Variants in ZFHX4 observed in about 807,000 individuals in gnomAD.
ZFHX4 encodes the protein zinc finger homeobox 4.
ZFHX4 carries 56 observed loss-of-function variants against 267.6 expected under a neutral mutation model. The ratio of observed to expected loss-of-function variants is 0.21; its 90% confidence interval spans 0.17 to 0.26. The LOEUF is 0.26. Among genes scored for constraint, ZFHX4 ranks in the 10% least tolerant of loss-of-function variants. The pLI is 1.00. For missense variants in ZFHX4, 4,332 were observed against 4,420.0 expected (o/e 0.98, Z 0.56); for synonymous variants, 1,778 against 1,665.6 (o/e 1.07, Z -1.64).
chr8:76,773,379 A>G (rs1476506878), intron 3 of ZFHX4, among the ~76,000 whole-genome samples: 1 of 152,220 alleles, frequency 6.6e-6, no homozygotes, highest in Non-Finnish European at 1.5e-5. Context: ...ACATCTTTAA[A>G]TAATATCTTT....
intron 4 of ZFHX4, among the ~76,000 whole-genome samples, chr8:76,787,807 T>C (rs28553578): frequency 0.07 from 10,577 of 151,856 alleles, 772 homozygotes; most frequent in African/African-American, 0.19. Context: ...AGCAAGACTC[T>C]GCCTCAAAAA....
chr8:76,847,575 C>T (rs750227654), intron 6 of ZFHX4, among the ~76,000 whole-genome samples: 18 of 151,810 alleles, frequency 1.2e-4, no homozygotes, highest in Non-Finnish European at 2.1e-4. Context: ...CCATGAACCC[C>T]AAGAGAATAA....
At chr8:76,683,377 A>G (rs1399766431) in intron 1 of ZFHX4, 2 of 116,454 alleles carry the variant, frequency 1.7e-5, no homozygotes, top group African/African-American at 6.7e-5. Context: ...GCACACACAC[A>G]CATACACACA....
intron 3 of ZFHX4, chr8:76,733,559 T>A (rs1029060780): frequency 2.0e-5 from 3 of 152,190 alleles, no homozygotes; most frequent in African/African-American, 7.2e-5. Context: ...CTCCTTGCAG[T>A]TTTGAGTCAG....
At chr8:76,775,611 T>C (rs966651653) in intron 3 of ZFHX4, among the ~76,000 whole-genome samples, 6 of 152,202 alleles carry the variant, frequency 3.9e-5, no homozygotes, top group Non-Finnish European at 8.8e-5. Flanking sequence ...CTCTAATCCC[T>C]GACAGTCAAA....
At chr8:76,733,853 C>T (rs1328936679) in intron 3 of ZFHX4, among the ~76,000 whole-genome samples, 1 of 152,062 alleles carries the variant, frequency 6.6e-6, no homozygotes, top group African/African-American at 2.4e-5. Context: ...ATGCCGATGC[C>T]AGATGATGTA....
chr8:76,723,358 A>G (rs571747035), intron 3 of ZFHX4, among the ~76,000 whole-genome samples: 1 of 152,192 alleles, frequency 6.6e-6, no homozygotes, highest in Non-Finnish European at 1.5e-5. Flanking sequence ...TCACTTCTGC[A>G]GTTCTAAGAG....
At chr8:76,797,604 T>C (rs1188751949) in intron 4 of ZFHX4, among the ~76,000 whole-genome samples, 1 of 152,202 alleles carries the variant, frequency 6.6e-6, no homozygotes, top group Non-Finnish European at 1.5e-5. Flanking sequence ...TAGTCAGCCC[T>C]TTTACTTGCG....
At chr8:76,846,153 T>G (rs1812359035) in intron 6 of ZFHX4, among the ~76,000 whole-genome samples, 1 of 152,068 alleles carries the variant, frequency 6.6e-6, no homozygotes, top group Non-Finnish European at 1.5e-5. Flanking sequence ...TGCCATAATA[T>G]GAAACCTAAG....
chr8:76,683,833 G>T (rs1043693539), intron 1 of ZFHX4: 1 of 151,960 alleles, frequency 6.6e-6, no homozygotes, highest in African/African-American at 2.4e-5. Flanking sequence ...GAGAGAGGCT[G>T]CGGCTGCCGC....
chr8:76,817,924 T>A (rs2131857715), intron 4 of ZFHX4, among the ~76,000 whole-genome samples: 1 of 152,314 alleles, frequency 6.6e-6, no homozygotes, highest in African/African-American at 2.4e-5. Flanking sequence ...CATTATTGGT[T>A]GTAGAAATCA....
At chr8:76,814,640 C>G (rs1811457480) in intron 4 of ZFHX4, among the ~76,000 whole-genome samples, 1 of 152,106 alleles carries the variant, frequency 6.6e-6, no homozygotes, top group Non-Finnish European at 1.5e-5. Flanking sequence ...AAAGATGGAG[C>G]CACTCTCTTT....
At chr8:76,742,682 T>C (rs972690450) in intron 3 of ZFHX4, among the ~76,000 whole-genome samples, 1 of 152,168 alleles carries the variant, frequency 6.6e-6, no homozygotes, top group African/African-American at 2.4e-5. Flanking sequence ...CACACTTAAT[T>C]GAACAGTATT....
chr8:76,748,237 T>C (rs1416779757), intron 3 of ZFHX4, among the ~76,000 whole-genome samples: 2 of 152,220 alleles, frequency 1.3e-5, no homozygotes, highest in Non-Finnish European at 2.9e-5. Context: ...TAAGTCTCAC[T>C]GATGTTCTGC....
chr8:76,780,878 T>A (rs1476037605), intron 4 of ZFHX4, among the ~76,000 whole-genome samples: 1 of 152,140 alleles, frequency 6.6e-6, no homozygotes, highest in Non-Finnish European at 1.5e-5. Context: ...TTAACTTTCT[T>A]AAGTACCAGA....
intron 1 of ZFHX4, among the ~76,000 whole-genome samples, chr8:76,685,016 TG>T (rs1240602856): frequency 6.6e-6 from 1 of 152,208 alleles, no homozygotes; most frequent in Non-Finnish European, 1.5e-5. Flanking sequence ...GGTTTAATGT[TG>T]CATTTCAGAA....
intron 3 of ZFHX4, among the ~76,000 whole-genome samples, chr8:76,765,064 C>T (rs1810017047): frequency 6.6e-6 from 1 of 152,076 alleles, no homozygotes; most frequent in African/African-American, 2.4e-5. Flanking sequence ...CAAGGAAGCT[C>T]AACATAGAAA....
intron 3 of ZFHX4, among the ~76,000 whole-genome samples, chr8:76,709,798 T>C (rs1053533681): frequency 7.2e-6 from 1 of 139,110 alleles, no homozygotes; most frequent in African/African-American, 3.0e-5. Context: ...TGTGCGTGTG[T>C]GTGCGTGTGT....
chr8:76,797,875 T>G (rs1389169135), intron 4 of ZFHX4, among the ~76,000 whole-genome samples: 3 of 146,908 alleles, frequency 2.0e-5, no homozygotes, highest in Non-Finnish European at 3.0e-5. Context: ...AGTTTTGGGG[T>G]GTGTGTCTGT....
Sources: gnomAD v4.1 joint callset for allele counts (sites outside exome capture counted in the v4.1 genomes callset) on GRCh38, gnomAD v4.1.1 for gene constraint, MANE v1.5 for transcripts, NCBI Gene and HGNC (gene_info 2026-07-23, HGNC 2026-07-21) for gene names.